The following ANKS1A variants were observed in gnomAD, a reference collection of about 807,000 sequenced individuals.
The protein encoded by ANKS1A is ankyrin repeat and sterile alpha motif domain containing 1A.
A neutral mutation model predicts 120.3 loss-of-function variants in ANKS1A; 55 were observed. That is an observed-to-expected ratio of 0.46 (90% CI 0.37 to 0.57). The LOEUF is 0.57. Among genes scored for constraint, ANKS1A ranks in the 20% least tolerant of loss-of-function variants. The pLI is 0.00. For missense variants in ANKS1A, 1,123 were observed against 1,480.3 expected (o/e 0.76, Z 3.96); for synonymous variants, 590 against 604.7 (o/e 0.98, Z 0.36).
intron 13 of ANKS1A, chr6:35,070,789 G>A: frequency 2.3e-6 from 1 of 428,980 alleles, no homozygotes; most frequent in Non-Finnish European, 4.4e-6. Flanking sequence ...CAGCCCACAA[G>A]CCTTTATCTT....
chr6:34,979,417 G>A (rs997169577), intron 3 of ANKS1A, among the ~76,000 whole-genome samples: 1 of 152,162 alleles, frequency 6.6e-6, no homozygotes, highest in Non-Finnish European at 1.5e-5. Context: ...TAAGTAAGAT[G>A]CTCCCTATAC....
chr6:35,025,975 A>G (rs1443058695), intron 11 of ANKS1A, among the ~76,000 whole-genome samples: 1 of 152,150 alleles, frequency 6.6e-6, no homozygotes, highest in African/African-American at 2.4e-5. Context: ...GGTATTTGCA[A>G]AATCACCAGC....
intron 13 of ANKS1A, among the ~76,000 whole-genome samples, chr6:35,077,146 C>T (rs1015815250): frequency 1.3e-5 from 2 of 152,170 alleles, no homozygotes; most frequent in African/African-American, 2.4e-5. Flanking sequence ...ACTGGCGTCA[C>T]TAAGAAGAGC....
At chr6:34,975,247 G>T (rs1322603453) in intron 3 of ANKS1A, among the ~76,000 whole-genome samples, 1 of 151,676 alleles carries the variant, frequency 6.6e-6, no homozygotes, top group Non-Finnish European at 1.5e-5. Flanking sequence ...TGAGGTCAGG[G>T]ATTCGAGACC....
intron 10 of ANKS1A, among the ~76,000 whole-genome samples, chr6:34,998,424 A>G (rs1161157426): frequency 6.6e-6 from 1 of 152,182 alleles, no homozygotes; most frequent in African/African-American, 2.4e-5. Context: ...AAGCAAAACT[A>G]AAGGCAGGTA....
intron 1 of ANKS1A, among the ~76,000 whole-genome samples, chr6:34,936,407 C>T (rs1769260378): frequency 6.6e-6 from 1 of 152,180 alleles, no homozygotes; most frequent in Admixed American, 6.5e-5. Flanking sequence ...AGGTCTGTGA[C>T]TGTCAAGCGG....
rs117150146 is a variant in ANKS1A, at chr6:34,987,267, G to A, written c.1210-1957G>A. Among the ~76,000 whole-genome samples, 46 of 152,338 alleles carry A rather than the reference G, an allele frequency of 3.0e-4. No individual in the cohort carries two copies. In the East Asian group the frequency reaches 7.5e-3, roughly 25 times the overall value. ...CCAAAGTTTTCACCTTAGAGAAAAA[G>A]ACACAGGTATTTCTCTTTCCTTCCA... is the stretch of plus-strand genomic sequence containing the variant. On this transcript the variant is annotated intron_variant, in intron 8 of 23. Transcript: ENST00000360359.
chr6:34,912,424 T>C (rs1270368617), intron 1 of ANKS1A, among the ~76,000 whole-genome samples: 1 of 152,190 alleles, frequency 6.6e-6, no homozygotes, highest in Non-Finnish European at 1.5e-5. Flanking sequence ...TCGGCTCTAT[T>C]CTCTCTCACT....
intron 10 of ANKS1A, among the ~76,000 whole-genome samples, chr6:35,009,334 G>A (rs1272142077): frequency 6.6e-6 from 1 of 152,116 alleles, no homozygotes; most frequent in Non-Finnish European, 1.5e-5. Context: ...GTATAGGAAT[G>A]AGGAGAGGAA....
chr6:35,070,820 T>TTTAA lies in ANKS1A; in HGVS notation c.2185-7736_2185-7735insAATT, dbSNP rs1166936555. Reference sequence around the variant, plus strand: ...ATCTTAACCCAGACACCCCTTTCTTTTTTCTTTGTGTGTGTGTGTGTGTGT... The same window carrying TTTAA: ...ATCTTAACCCAGACACCCCTTTCTTTTTAATTTCTTTGTGTGTGTGTGTGTGTGT... On this transcript the variant is annotated intron_variant, in intron 13 of 23. Coordinates refer to ENST00000360359, the MANE Select transcript of ANKS1A (RefSeq NM_015245.3). 2.5e-5 allele frequency: 13 copies of TTTAA among 516,926 alleles called. No homozygotes were observed. The African/African-American group carries it at 2.6e-4, about 10-fold the overall frequency. 32.0% of individuals were successfully genotyped at this position (516,926 alleles called of 1,614,324 possible). A position where few individuals can be genotyped will look rare whatever the true frequency, so the allele number is the denominator to read the frequency against.
chr6:35,085,912 T>G lies in ANKS1A; in HGVS notation c.3279T>G (p.Pro1093=). 1 of 1,610,890 alleles carries G rather than the reference T, an allele frequency of 6.2e-7. No individual in the cohort carries two copies. Among genetic ancestry groups the G allele is most frequent in the Non-Finnish European group, 8.5e-7 (1 of 1,179,008 alleles). Residue 1093 remains proline (P), a synonymous_variant, in exon 22 of 24, where the codon CCT becomes CCG. Coordinates refer to ENST00000360359, the MANE Select transcript of ANKS1A (RefSeq NM_015245.3). The surrounding 1 kb of genome is among the most constrained non-coding windows in gnomAD (Gnocchi z 4.7). ...ETKSSKPVPK[P]RVGVRKSALE... ...AATCTTCCAAACCGGTGCCTAAGCC[T>G]CGGGTCGGCGTGAGGAAATCCGCAG...
At position 35,006,112 on chromosome 6, in the gene ANKS1A, C is replaced by T. The variant is rs527632264; in HGVS notation, c.1424-11361C>T. Among the ~76,000 whole-genome samples the T allele has an allele frequency of 1.1e-4, 17 of 151,024 alleles. No homozygotes were observed. In the East Asian group the frequency reaches 1.8e-3, roughly 16 times the overall value. ...CTGAGGCAGGAGAATCGCTTGAACC[C>T]GGGAGGCAGAGGTTGCAGTGAGCCA... On this transcript the variant is annotated intron_variant, in intron 10 of 23. Coordinates refer to ENST00000360359, the MANE Select transcript of ANKS1A (RefSeq NM_015245.3).
At chr6:34,991,743 CATATATACACACATATATATAT>C (rs1772573118) in intron 9 of ANKS1A, among the ~76,000 whole-genome samples, 2 of 98,046 alleles carry the variant, frequency 2.0e-5, no homozygotes, top group East Asian at 3.9e-4. Flanking sequence ...CATATATATA[CATATATACACACATATATATAT>C]ACACATATAT....
At position 35,090,647 on chromosome 6, in the gene ANKS1A, C is replaced by T. The variant is rs1463413912; in HGVS notation, c.*2038C>T. ...ACTGGGCCTTTCTTTCTTTTCTTCT[C>T]CTCTGGGATGGGTAGTCTCCCTTTC... On this transcript the variant is annotated 3_prime_UTR_variant, in exon 24 of 24. Transcript: ENST00000360359. 1 of 991,942 alleles carries T rather than the reference C, an allele frequency of 1.0e-6. No homozygotes were observed. The highest frequency in any genetic ancestry group is 1.2e-6 in the Non-Finnish European group (1 of 834,154). The allele number at this position is 991,942 out of a possible 1,614,324, so 61.4% of individuals were successfully genotyped here.
At chr6:34,969,744 A>G (rs1019058487) in intron 2 of ANKS1A, among the ~76,000 whole-genome samples, 2 of 152,244 alleles carry the variant, frequency 1.3e-5, no homozygotes. Flanking sequence ...TTTTCAAAGT[A>G]GTAGAAAACA....
chr6:34,900,265 T>A (rs992847072), intron 1 of ANKS1A, among the ~76,000 whole-genome samples: 1 of 152,228 alleles, frequency 6.6e-6, no homozygotes, highest in African/African-American at 2.4e-5. Context: ...ATTTGGCCAC[T>A]TGGAGAATCA....
Position 35,037,218 on chromosome 6 carries a change from A to G in ANKS1A, c.2011-16881A>G, listed in dbSNP as rs188260689. On this transcript the variant is annotated intron_variant, in intron 11 of 23. Coordinates refer to ENST00000360359, the MANE Select transcript of ANKS1A (RefSeq NM_015245.3). Reference sequence around the variant, plus strand: ...TATTACCTAGGCAAATCAAGTTTTTATAGTTTTTCCCTATTAGCTTTTTAG... The same window carrying G: ...TATTACCTAGGCAAATCAAGTTTTTGTAGTTTTTCCCTATTAGCTTTTTAG... Among the ~76,000 whole-genome samples the G allele has an allele frequency of 3.2e-4, 48 of 152,336 alleles. 1 individual carries two copies. Among genetic ancestry groups the G allele is most frequent in the Admixed American group, 2.9e-3 (45 of 15,302 alleles).
At chr6:34,927,817 T>G (rs1053747184) in intron 1 of ANKS1A, among the ~76,000 whole-genome samples, 1 of 151,532 alleles carries the variant, frequency 6.6e-6, no homozygotes, top group Non-Finnish European at 1.5e-5. Context: ...GGGAGGAGAG[T>G]GGGCAGGAGG....
intron 11 of ANKS1A, among the ~76,000 whole-genome samples, chr6:35,030,780 G>T (rs1711805831): frequency 6.6e-6 from 1 of 152,148 alleles, no homozygotes; most frequent in Admixed American, 6.5e-5. Context: ...ATTTGAAGCT[G>T]CAATTATGTC....
Sources: allele counts gnomAD v4.1 joint callset (sites outside exome capture counted in the v4.1 genomes callset), GRCh38; gene constraint gnomAD v4.1.1; non-coding constraint Gnocchi (gnomAD v3.1); transcripts MANE v1.5; gene names NCBI Gene and HGNC (gene_info 2026-07-23, HGNC 2026-07-21).